MYO16: variants seen among roughly 807,000 people sequenced by gnomAD.
MYO16 encodes unconventional myosin-XVI.
A neutral mutation model predicts 205.3 loss-of-function variants in MYO16; 94 were observed. That is an observed-to-expected ratio of 0.46 (90% confidence interval 0.39 to 0.54). The LOEUF (loss-of-function observed/expected upper bound fraction) is 0.54. Among genes scored for constraint, MYO16 ranks in the 20% least tolerant of loss-of-function variants. The pLI is 0.00. For missense variants in MYO16, 2,315 were observed against 2,387.5 expected, an observed-to-expected ratio of 0.97 and a Z score of 0.63; for synonymous variants, 988 against 954.0, an observed-to-expected ratio of 1.04 and a Z score of -0.66.
intron 16 of MYO16, among the ~76,000 whole-genome samples, chr13:108,915,140 G>A (rs1405221447): frequency 6.6e-6 from 1 of 152,174 alleles, no homozygotes; most frequent in Non-Finnish European, 1.5e-5. Flanking sequence ...CCTAACTTTA[G>A]AATATAAGTG....
chr13:108,753,866 T>C (rs1025220821), intron 4 of MYO16, among the ~76,000 whole-genome samples: 2 of 152,216 alleles, frequency 1.3e-5, no homozygotes, highest in African/African-American at 4.8e-5. Flanking sequence ...ACAAAACATA[T>C]ATTTAAAAAG....
intron 1 of MYO16, among the ~76,000 whole-genome samples, chr13:108,665,196 C>A (rs1318667352): frequency 1.3e-5 from 2 of 152,248 alleles, no homozygotes; most frequent in East Asian, 3.9e-4. Flanking sequence ...TGCGATCCCC[C>A]ACCTCAGCCT....
At chr13:108,796,773 G>A (rs9805214) in intron 6 of MYO16, among the ~76,000 whole-genome samples, 5 of 90,996 alleles carry the variant, frequency 5.5e-5, no homozygotes, top group Non-Finnish European at 1.1e-4. Context: ...GTTGTGGGGT[G>A]GGGGGAGCGG....
rs141991447 is a variant in MYO16 at position 108,915,748 on chromosome 13, A to C, written c.1925+5598A>C. Among the ~76,000 whole-genome samples the C allele has an allele frequency of 3.3e-4, 51 of 152,296 alleles. 2 individuals are homozygous for C. The East Asian group carries it at 9.5e-3, about 28-fold the overall frequency. ...TCTTTTTGTATTGATTAATGGTGGAAATGATTGTGGTGCTGCAGGATAACA... is the reference window on the plus strand; with the variant it reads ...TCTTTTTGTATTGATTAATGGTGGACATGATTGTGGTGCTGCAGGATAACA... On this transcript the variant is annotated intron_variant, in intron 16 of 34. Coordinates refer to ENST00000457511, the MANE Select transcript of MYO16 (RefSeq NM_001198950.3).
At position 108,962,397 on chromosome 13, in the gene MYO16, A is replaced by G. The variant is rs763553235; in HGVS notation, c.2156-27A>G. 5.7e-6 allele frequency: 9 copies of G among 1,574,540 alleles called. No homozygotes were observed. In the African/African-American group the frequency reaches 1.2e-4, roughly 21 times the overall value. On this transcript the variant is annotated intron_variant, in intron 18 of 34. Transcript: ENST00000457511. ...TGGTATCAAAAAATATACTAACTTTATGTTTATAATGCTGATTTAATTTTA... is the reference window on the plus strand; with the variant it reads ...TGGTATCAAAAAATATACTAACTTTGTGTTTATAATGCTGATTTAATTTTA...
At chr13:109,165,541 A>G (rs1406766951) in intron 33 of MYO16, among the ~76,000 whole-genome samples, 3 of 152,238 alleles carry the variant, frequency 2.0e-5, no homozygotes, top group Non-Finnish European at 4.4e-5. Context: ...CACAAATAAA[A>G]GAAGACAAAG....
At chr13:108,862,930 G>A (rs76551070) in intron 11 of MYO16, among the ~76,000 whole-genome samples, 3,260 of 151,920 alleles carry the variant, frequency 0.021, 198 homozygotes, top group East Asian at 0.21. Context: ...GCTTATTGGC[G>A]TTCTTCATAT....
At chr13:109,038,226 G>A (rs1283142293) in intron 23 of MYO16, among the ~76,000 whole-genome samples, 1 of 152,174 alleles carries the variant, frequency 6.6e-6, no homozygotes, top group African/African-American at 2.4e-5. Context: ...ATGCCCAGAT[G>A]GCTGCTTGAA....
At chr13:108,662,454 G>C (rs909722732) in intron 1 of MYO16, among the ~76,000 whole-genome samples, 6 of 152,178 alleles carry the variant, frequency 3.9e-5, no homozygotes, top group Admixed American at 3.3e-4. Flanking sequence ...GTTGGGTCTT[G>C]CTGTGGCTGC....
At chr13:108,542,823 A>AT in the MYO16 span, among the ~76,000 whole-genome samples, 1 of 151,864 alleles carries the variant, frequency 6.6e-6, no homozygotes, top group Non-Finnish European at 1.5e-5. Flanking sequence ...GCCCATCTGC[A>AT]TTTTATTCTA....
intron 1 of MYO16, among the ~76,000 whole-genome samples, chr13:108,653,777 A>G (rs771465854): frequency 6.6e-6 from 1 of 150,910 alleles, no homozygotes. Flanking sequence ...ACACATGCAT[A>G]TATATACATA....
intron 27 of MYO16, among the ~76,000 whole-genome samples, chr13:109,072,492 A>G (rs1318932207): frequency 6.6e-6 from 1 of 152,014 alleles, no homozygotes; most frequent in Non-Finnish European, 1.5e-5. Context: ...ATTAATACAG[A>G]TTTCAACTTA....
chr13:108,978,651 A>G (rs1884354335), intron 20 of MYO16, among the ~76,000 whole-genome samples: 1 of 151,760 alleles, frequency 6.6e-6, no homozygotes, highest in Non-Finnish European at 1.5e-5. Flanking sequence ...TAGTGAGATG[A>G]GATTCTTTTG....
At chr13:108,775,421 G>A (rs955958262) in intron 4 of MYO16, among the ~76,000 whole-genome samples, 1 of 152,040 alleles carries the variant, frequency 6.6e-6, no homozygotes, top group Non-Finnish European at 1.5e-5. Context: ...TTATAAATGG[G>A]CAATGTCAAA....
intron 16 of MYO16, among the ~76,000 whole-genome samples, chr13:108,939,448 C>T (rs1201590372): frequency 6.6e-6 from 1 of 152,128 alleles, no homozygotes; most frequent in Non-Finnish European, 1.5e-5. Context: ...CTGGTATCCT[C>T]CTCTCCAGGA....
intron 20 of MYO16, among the ~76,000 whole-genome samples, chr13:108,980,959 C>T (rs570273614): frequency 7.9e-5 from 12 of 152,206 alleles, no homozygotes; most frequent in Non-Finnish European, 1.8e-4. Context: ...ATCACACAGC[C>T]AGAAAATGAT....
chr13:108,961,788 G>A, intron 18 of MYO16, 132 bp downstream of exon 18: 1 of 675,912 alleles, frequency 1.5e-6, no homozygotes. Context: ...TTCAGTGAGG[G>A]GGGGAAATTG....
At position 109,016,760 on chromosome 13, in the gene MYO16, T is replaced by C. The variant is rs1885836344; in HGVS notation, c.2596-2951T>C. Among the ~76,000 whole-genome samples the C allele has an allele frequency of 3.3e-5, 5 of 152,164 alleles. No individual in the cohort carries two copies. In the South Asian group the frequency reaches 8.3e-4, roughly 25 times the overall value. On this transcript the variant is annotated intron_variant, in intron 22 of 34. Transcript: ENST00000457511. The stretch of plus-strand genomic sequence containing the variant: ...ATCTTTGTTGGTTTAAAGTCTGTTT[T>C]ATGAGACACAAGTATTGCAAATGCT...
rs564792661 is a variant in MYO16 at position 108,989,018 on chromosome 13, T to C, written c.2370-3358T>C. Among the ~76,000 whole-genome samples, 16 of 152,332 alleles carry C rather than the reference T, an allele frequency of 1.1e-4. No individual in the cohort carries two copies. The South Asian group carries it at 3.1e-3, about 30-fold the overall frequency. On this transcript the variant is annotated intron_variant, in intron 20 of 34. Coordinates refer to ENST00000457511, the MANE Select transcript of MYO16 (RefSeq NM_001198950.3). ...TATCCCCTCTCTGCCCTTAAGGTTA[T>C]TGGTGTCAATTTTCTCTACAAAATT...
Sources: gnomAD v4.1 joint callset for allele counts (sites outside exome capture counted in the v4.1 genomes callset) on GRCh38, gnomAD v4.1.1 for gene constraint, MANE v1.5 for transcripts, NCBI Gene and HGNC (gene_info 2026-07-23, HGNC 2026-07-21) for gene names.